SVIL: variants seen among roughly 807,000 people sequenced by gnomAD.
SVIL encodes archvillin.
SVIL carries 101 observed loss-of-function variants against 240.4 expected under a neutral mutation model. The observed-to-expected ratio is 0.42, with a 90% CI of 0.36 to 0.50. The LOEUF (loss-of-function observed/expected upper bound fraction) is 0.50, where lower values mean the gene tolerates loss of function less well. Among genes scored for constraint, SVIL ranks in the 20% least tolerant of loss-of-function variants. SVIL has a pLI of 0.01. For missense variants in SVIL, 2,512 were observed against 2,818.7 expected (o/e 0.89, Z 2.46); for synonymous variants, 999 against 1,100.0 (o/e 0.91, Z 1.82).
At chr10:29,531,098 A>G (rs1232573697) in intron 10 of SVIL, among the ~76,000 whole-genome samples, 156 bp downstream of exon 10, 1 of 152,226 alleles carries the variant, frequency 6.6e-6, no homozygotes, top group Non-Finnish European at 1.5e-5. Flanking sequence ...GAAAATTTCA[A>G]CTAGATTTTA....
chr10:29,617,369 G>A (rs1322617443), intron 1 of SVIL, among the ~76,000 whole-genome samples: 1 of 152,050 alleles, frequency 6.6e-6, no homozygotes, highest in East Asian at 1.9e-4. Context: ...CCTGACAAGA[G>A]CATCGTACTT....
chr10:29,623,817 C>G (rs1293368526), intron 1 of SVIL, among the ~76,000 whole-genome samples: 1 of 152,132 alleles, frequency 6.6e-6, no homozygotes, highest in Admixed American at 6.5e-5. Flanking sequence ...CACCACTGCA[C>G]TCCAGCCCGG....
Position 29,705,391 on chromosome 10 carries a change from C to T in SVIL, c.-399-18740G>A, listed in dbSNP as rs542952333. Among the ~76,000 whole-genome samples the T allele has an allele frequency of 5.9e-5, 9 of 152,086 alleles. No individual in the cohort carries two copies. The East Asian group carries it at 1.7e-3, about 29-fold the overall frequency. ...AGGATCTTGAGATGAGGAAATGATCCTAGATATTCTGGAGGGCCCCATGTA... is the reference window on the plus strand; with the variant it reads ...AGGATCTTGAGATGAGGAAATGATCTTAGATATTCTGGAGGGCCCCATGTA... On this transcript the variant is annotated intron_variant, in intron 1 of 35. Coordinates refer to the SVIL transcript ENST00000375400.
At chr10:29,688,193 A>G (rs1300415239) in intron 1 of SVIL, among the ~76,000 whole-genome samples, 1 of 152,242 alleles carries the variant, frequency 6.6e-6, no homozygotes, top group African/African-American at 2.4e-5. Flanking sequence ...AGAAATGTCT[A>G]ATAATGTAGC....
intron 17 of SVIL, among the ~76,000 whole-genome samples, chr10:29,505,070 CCCAA>C (rs1467699445): frequency 6.6e-6 from 1 of 152,214 alleles, no homozygotes; most frequent in African/African-American, 2.4e-5. Context: ...CGCCTGTAAT[CCCAA>C]CACTCTGAGA....
intron 16 of SVIL, among the ~76,000 whole-genome samples, chr10:29,519,670 G>A (rs1334270746): frequency 6.6e-6 from 1 of 152,218 alleles, no homozygotes; most frequent in African/African-American, 2.4e-5. Flanking sequence ...AATATATTTT[G>A]CATTAGTGTA....
chr10:29,510,416 G>A (rs1341714385), intron 17 of SVIL, among the ~76,000 whole-genome samples: 2 of 151,546 alleles, frequency 1.3e-5, no homozygotes, highest in Admixed American at 6.6e-5. Flanking sequence ...TATGTTGCAC[G>A]TGTTTTCACA....
At chr10:29,592,632 C>T (rs1210762460) in intron 1 of SVIL, among the ~76,000 whole-genome samples, 1 of 152,062 alleles carries the variant, frequency 6.6e-6, no homozygotes, top group Non-Finnish European at 1.5e-5. Flanking sequence ...TTTTCCAGAC[C>T]CAATATTTGA....
At chr10:29,569,385 C>A (rs1008122989) in intron 1 of SVIL, 73 bp from the exon 2 acceptor site, 1 of 700,918 alleles carries the variant, frequency 1.4e-6, no homozygotes, top group Non-Finnish European at 1.8e-6. Context: ...AAAAAACTCT[C>A]CAAACTGCTT....
intron 1 of SVIL, among the ~76,000 whole-genome samples, chr10:29,730,776 A>G (rs1314773923): frequency 2.0e-5 from 3 of 152,212 alleles, no homozygotes; most frequent in Non-Finnish European, 2.9e-5. Flanking sequence ...GGTTTTATAC[A>G]TGCCCAAGCA....
At chr10:29,707,717 G>A (rs1962989021) in intron 1 of SVIL, among the ~76,000 whole-genome samples, 1 of 152,138 alleles carries the variant, frequency 6.6e-6, no homozygotes, top group Non-Finnish European at 1.5e-5. Context: ...AATGTGGTAT[G>A]TTTACAAATA....
Position 29,512,922 on chromosome 10 carries a change from C to T in SVIL, c.3390-61G>A, listed in dbSNP as rs1004376108. On this transcript the variant is annotated intron_variant, in intron 16 of 37. Coordinates refer to ENST00000355867, the MANE Select transcript of SVIL (RefSeq NM_021738.3). ...CACCAAACTCTTCCTTGTGATGGAA[C>T]CATAATCTAGGTAAGAGAGGCGGCT... is the stretch of plus-strand genomic sequence containing the variant. The T allele has an allele frequency of 4.4e-6, 7 of 1,575,078 alleles. No homozygotes were observed. In the African/African-American group the frequency reaches 6.8e-5, roughly 15 times the overall value.
At chr10:29,733,512 C>G (rs1159639071) in intron 1 of SVIL, among the ~76,000 whole-genome samples, 1 of 152,074 alleles carries the variant, frequency 6.6e-6, no homozygotes, top group Non-Finnish European at 1.5e-5. Context: ...ACTATGTTGT[C>G]CAGGCTGGTC....
chr10:29,607,458 T>C (rs1487154212), intron 1 of SVIL, among the ~76,000 whole-genome samples: 4 of 152,200 alleles, frequency 2.6e-5, no homozygotes, highest in African/African-American at 9.6e-5. Flanking sequence ...TAGGAAGAAT[T>C]GATATATTTA....
At chr10:29,566,591 C>T (rs748798505) in intron 2 of SVIL, among the ~76,000 whole-genome samples, 4 of 152,240 alleles carry the variant, frequency 2.6e-5, no homozygotes, top group South Asian at 4.2e-4. Flanking sequence ...CCGAGGGCAC[C>T]GATCATCAAT....
At chr10:29,590,165 CAAAAAAAAAAAAAAAAAA>C (rs58469441) in intron 1 of SVIL, among the ~76,000 whole-genome samples, 1 of 79,666 alleles carries the variant, frequency 1.3e-5, no homozygotes, top group Admixed American at 1.4e-4. Flanking sequence ...GACTCCGTCT[CAAAAAAAAAAAAAAAAAA>C]AAAAAAAAAA....
At chr10:29,571,585 G>A (rs1384902428) in intron 1 of SVIL, among the ~76,000 whole-genome samples, 2 of 152,162 alleles carry the variant, frequency 1.3e-5, no homozygotes, top group African/African-American at 4.8e-5. Flanking sequence ...GTGAAACTGT[G>A]GGAAAAGAAA....
chr10:29,508,132 A>G, intron 17 of SVIL: 1 of 307,074 alleles, frequency 3.3e-6, no homozygotes, highest in Non-Finnish European at 6.5e-6. Context: ...AGAAAATATC[A>G]TCTTCTTTAA....
At chr10:29,708,730 G>A (rs939068119) in intron 1 of SVIL, among the ~76,000 whole-genome samples, 6 of 152,152 alleles carry the variant, frequency 3.9e-5, no homozygotes, top group Admixed American at 3.9e-4. Flanking sequence ...AAAGTATACA[G>A]TGTGCATGCC....
Sources: allele counts gnomAD v4.1 joint callset (sites outside exome capture counted in the v4.1 genomes callset), GRCh38; gene constraint gnomAD v4.1.1; transcripts MANE v1.5; gene names NCBI Gene and HGNC (gene_info 2026-07-23, HGNC 2026-07-21).